The following NFIB variants were observed in gnomAD, a reference collection of about 807,000 sequenced individuals.
The protein encoded by NFIB is nuclear factor I B, also known as nuclear factor 1 B-type.
A neutral mutation model predicts 61.5 loss-of-function variants in NFIB; 11 were observed. The ratio of observed to expected loss-of-function variants is 0.18; its 90% CI spans 0.11 to 0.30. NFIB has a LOEUF of 0.30. NFIB is among the 10% of genes least tolerant of loss of function. The pLI is 1.00. For synonymous variants in NFIB, 260 were observed against 216.5 expected (o/e 1.20, Z -1.76); for missense variants, 471 against 608.9 (o/e 0.77, Z 2.38).
intron 2 of NFIB, among the ~76,000 whole-genome samples, chr9:14,303,146 C>A (rs932797339): frequency 6.6e-6 from 1 of 152,156 alleles, no homozygotes; most frequent in Non-Finnish European, 1.5e-5. Flanking sequence ...GAGAGGAAAA[C>A]TGAAGTCCTC....
At chr9:14,168,890 G>A (rs2045241102) in intron 3 of NFIB, among the ~76,000 whole-genome samples, 1 of 152,124 alleles carries the variant, frequency 6.6e-6, no homozygotes, top group African/African-American at 2.4e-5. Flanking sequence ...AAGCTCACAA[G>A]TACTCCCTTC....
intron 2 of NFIB, among the ~76,000 whole-genome samples, chr9:14,224,601 G>C (rs2052126688): frequency 6.6e-6 from 1 of 152,212 alleles, no homozygotes; most frequent in Admixed American, 6.5e-5. Flanking sequence ...CTCAAATGAA[G>C]TGATATGTAG....
chr9:14,133,383 G>A (rs149049641), intron 6 of NFIB, among the ~76,000 whole-genome samples: 163 of 152,230 alleles, frequency 1.1e-3, no homozygotes, highest in African/African-American at 3.8e-3. Flanking sequence ...AAAATGTTGG[G>A]TGGAAGCTGG....
the NFIB span, among the ~76,000 whole-genome samples, chr9:14,450,955 A>G: frequency 6.6e-6 from 1 of 152,314 alleles, no homozygotes; most frequent in Non-Finnish European, 1.5e-5. Flanking sequence ...CAGGGTTGGT[A>G]TCACTAATTA....
At chr9:14,342,263 T>G (rs184176189) in intron 1 of NFIB, among the ~76,000 whole-genome samples, 1 of 152,172 alleles carries the variant, frequency 6.6e-6, no homozygotes, top group Admixed American at 6.5e-5. Flanking sequence ...TCAGGCAGCA[T>G]TTGGCTTAGA....
chr9:14,192,191 T>G (rs367766052), intron 2 of NFIB, among the ~76,000 whole-genome samples: 3 of 152,200 alleles, frequency 2.0e-5, no homozygotes, highest in African/African-American at 7.2e-5. Context: ...ATTTAAAGCA[T>G]GTTAAAATTC....
the NFIB span, among the ~76,000 whole-genome samples, chr9:14,495,255 G>C: frequency 7.2e-5 from 11 of 151,984 alleles, no homozygotes; most frequent in Admixed American, 4.6e-4. Flanking sequence ...ATAAATCCCA[G>C]AGCAGATCTC....
chr9:14,461,963 G>A, the NFIB span, among the ~76,000 whole-genome samples: 49,176 of 152,048 alleles, frequency 0.32, 8,627 homozygotes, highest in African/African-American at 0.44. Flanking sequence ...TGTTATTGAT[G>A]ATTTCTTCTG....
intron 1 of NFIB, among the ~76,000 whole-genome samples, chr9:14,372,576 T>A (rs1039228392): frequency 6.6e-6 from 1 of 152,190 alleles, no homozygotes; most frequent in African/African-American, 2.4e-5. Context: ...TATTCTCTAA[T>A]TACAGTAAGA....
At chr9:14,308,956 G>A (rs1006416552) in intron 1 of NFIB, among the ~76,000 whole-genome samples, 3 of 152,160 alleles carry the variant, frequency 2.0e-5, no homozygotes, top group East Asian at 1.9e-4. Context: ...CAAAGAGAAA[G>A]AGCTTAACGT....
At chr9:14,105,378 C>A (rs916152767) in intron 10 of NFIB, among the ~76,000 whole-genome samples, 8 of 152,034 alleles carry the variant, frequency 5.3e-5, no homozygotes, top group Non-Finnish European at 1.2e-4. Flanking sequence ...ATTGAATTTC[C>A]TTTTAGTTAC....
intron 5 of NFIB, among the ~76,000 whole-genome samples, chr9:14,148,065 C>A (rs959625795): frequency 5.9e-5 from 9 of 152,110 alleles, no homozygotes; most frequent in Non-Finnish European, 1.2e-4. Flanking sequence ...TTCATATGCC[C>A]CCACCAATAA....
the NFIB span, among the ~76,000 whole-genome samples, chr9:14,516,917 A>G: frequency 1.3e-5 from 2 of 152,266 alleles, no homozygotes. Context: ...GTTTCTGAGG[A>G]AAATTACATT....
At chr9:14,316,702 C>A (rs139048501), upstream of NFIB, among the ~76,000 whole-genome samples, 279 of 152,238 alleles carry the variant, frequency 1.8e-3, 1 homozygote, top group Non-Finnish European at 3.0e-3. Flanking sequence ...CACAGAGAAA[C>A]CACCAGCACG....
intron 1 of NFIB, among the ~76,000 whole-genome samples, chr9:14,373,295 T>C (rs150626810): frequency 3.4e-4 from 52 of 152,344 alleles, no homozygotes; most frequent in Non-Finnish European, 6.5e-4. Flanking sequence ...CTTATTAGCA[T>C]TTATGAGAAC....
chr9:14,524,750 G>C, the NFIB span, among the ~76,000 whole-genome samples: 1 of 152,198 alleles, frequency 6.6e-6, no homozygotes, highest in Non-Finnish European at 1.5e-5. Context: ...CAACGTTTTA[G>C]CAGCTGGCAT....
chr9:14,174,347 C>G (rs1245529883), intron 3 of NFIB, among the ~76,000 whole-genome samples: 1 of 152,134 alleles, frequency 6.6e-6, no homozygotes, highest in Admixed American at 6.5e-5. Flanking sequence ...TGCACATTGT[C>G]TAGTGCCAAA....
At chr9:14,308,149 A>G (rs2060112450) in intron 1 of NFIB, 1 of 152,226 alleles carries the variant, frequency 6.6e-6, no homozygotes, top group Non-Finnish European at 1.5e-5. Flanking sequence ...TTTCTTATCA[A>G]ACGTCCAACA....
At chr9:14,398,960 C>G (rs2061715700) in exon 1 of NFIB, 2 of 271,242 alleles carry the variant, frequency 7.4e-6, no homozygotes, top group Admixed American at 1.1e-4. Context: ...GGCATTTGAT[C>G]ATCTAGACCT....
Sources: allele counts gnomAD v4.1 joint callset (sites outside exome capture counted in the v4.1 genomes callset), GRCh38; gene constraint gnomAD v4.1.1; transcripts MANE v1.5; gene names NCBI Gene and HGNC (gene_info 2026-07-23, HGNC 2026-07-21).